The following PLB1 variants were observed in gnomAD, a reference collection of about 807,000 sequenced individuals.
The protein encoded by PLB1 is phospholipase B1, also known as phospholipase B1, membrane-associated.
In PLB1, 242 loss-of-function variants were observed where a neutral mutation model predicts 227.4. The observed-to-expected ratio is 1.06, with a 90% CI of 0.96 to 1.18. The LOEUF (loss-of-function observed/expected upper bound fraction) is 1.18. Ranked by LOEUF, PLB1 falls within the 50% of genes most tolerant of loss-of-function variation. PLB1 has a pLI of 0.00. For missense variants in PLB1, 1,858 were observed against 1,816.3 expected (o/e 1.02, Z -0.42); for synonymous variants, 757 against 682.2 (o/e 1.11, Z -1.71).
intron 55 of PLB1, 54 bp downstream of exon 55, chr2:28,632,194 A>C: frequency 2.2e-6 from 3 of 1,355,016 alleles, no homozygotes; most frequent in South Asian, 1.2e-5. Flanking sequence ...ATCACAGACG[A>C]TGGATGTATT....
At position 28,590,021 on chromosome 2, in the gene PLB1, A is replaced by G. The variant is rs780165701; in HGVS notation, c.2033A>G (p.Gln678Arg). 1.2e-6 allele frequency: 2 copies of G among 1,613,828 alleles called. No individual in the cohort carries two copies. The highest frequency in any genetic ancestry group is 2.2e-5 in the South Asian group (2 of 91,066). The change falls in exon 29 of 58, where the codon CAG becomes CGG. Residue 678 changes from glutamine to arginine, a missense_variant. By Grantham distance (43) the Gln-to-Arg change is conservative. Coordinates refer to ENST00000327757, the MANE Select transcript of PLB1 (RefSeq NM_153021.5). ...TTTGTTTAGCTGGAGCCTGTTGGCC[A>G]GAAGACGACTCGTCATAAGTTTGAA... Reference protein sequence around the residue: ...LWNNMLEPVGQKTTRHKFENK... With the variant: ...LWNNMLEPVGRKTTRHKFENK...
intron 4 of PLB1, among the ~76,000 whole-genome samples, chr2:28,523,927 C>A (rs1250127612): frequency 6.6e-6 from 1 of 152,226 alleles, no homozygotes; most frequent in African/African-American, 2.4e-5. Flanking sequence ...ATTACCTAAC[C>A]TGTCGGGTGT....
At chr2:28,573,393 G>A (rs769078710) in intron 21 of PLB1, 88 bp downstream of exon 21, 13 of 953,570 alleles carry the variant, frequency 1.4e-5, no homozygotes, top group Non-Finnish European at 1.9e-5. Flanking sequence ...ATGGCTGAAG[G>A]TTGAAGGGCT....
intron 44 of PLB1, 71 bp downstream of exon 44, chr2:28,614,167 AC>A (rs1458940014): frequency 1.4e-6 from 2 of 1,408,476 alleles, no homozygotes; most frequent in Admixed American, 3.4e-5. Context: ...CGGGTGTGGT[AC>A]AGGTTTCAGA....
chr2:28,581,968 GA>G (rs5830085), intron 23 of PLB1, 99 bp from the exon 24 acceptor site: 315,755 of 959,926 alleles, frequency 0.33, 20,826 homozygotes, highest in African/African-American at 0.41. Flanking sequence ...CTCAAAAAAA[GA>G]AAAAAAAAAA....
chr2:28,527,880 T>C (rs960717519), intron 6 of PLB1, among the ~76,000 whole-genome samples: 1 of 152,218 alleles, frequency 6.6e-6, no homozygotes, highest in African/African-American at 2.4e-5. Flanking sequence ...CAAATATTTG[T>C]ATTTTGTCAT....
chr2:28,624,343 G>A (rs370077978), intron 49 of PLB1, among the ~76,000 whole-genome samples: 1 of 152,146 alleles, frequency 6.6e-6, no homozygotes, highest in African/African-American at 2.4e-5. Context: ...GACTTATTTA[G>A]CAAAATGATT....
chr2:28,578,164 T>C lies in PLB1; in HGVS notation c.1485+6T>C, dbSNP rs1318549732. ...ACCTGATGAAGAATGACACGGTGGG[T>C]CCCTGGGATGGGAAGTAGGCAGGAA... On this transcript the variant is annotated splice_donor_region_variant and intron_variant, in intron 22 of 57. Transcript: ENST00000327757. The C allele has an allele frequency of 6.2e-7, 1 of 1,613,280 alleles. No homozygotes were observed.
At chr2:28,596,113 C>G (rs1682871064) in intron 33 of PLB1, 1 of 152,190 alleles carries the variant, frequency 6.6e-6, no homozygotes, top group Admixed American at 6.5e-5. Flanking sequence ...GACTGAAACT[C>G]CTTCAACAAA....
rs367993694 is a variant in PLB1 at position 28,504,751 on chromosome 2, AAAC to A, written c.55+8600_55+8602del. Among the ~76,000 whole-genome samples the A allele has an allele frequency of 9.2e-3, 1,399 of 152,222 alleles. 12 individuals carry two copies. Among genetic ancestry groups the A allele is most frequent in the Non-Finnish European group, 0.012 (815 of 68,026 alleles). ...AGCGAGACTCAGTCTCAAAAAAACA[AAAC>A]AACAACAACAACAACAAAAATTCAT... is the stretch of plus-strand genomic sequence containing the variant. On this transcript the variant is annotated intron_variant, in intron 1 of 57. Transcript: ENST00000327757.
rs1553418237 is a variant in PLB1, at chr2:28,547,218, A to AG, written c.937-1642_937-1641insG. Among the ~76,000 whole-genome samples the AG allele has an allele frequency of 8.7e-3, 791 of 90,762 alleles. 17 individuals carry two copies. Among genetic ancestry groups the AG allele is most frequent in the African/African-American group, 0.031 (709 of 23,020 alleles). The allele number at this position is 90,762 out of a possible 152,430, so 59.5% of individuals were successfully genotyped here. A position where few individuals can be genotyped will look rare whatever the true frequency, so the allele number is the denominator to read the frequency against. The stretch of plus-strand genomic sequence containing the variant: ...CCCTGTCTCCAAAAAAAAAAAAAAG[A>AG]AAAAAAAAAAATTGGGGAAGAGAAG... On this transcript the variant is annotated intron_variant, in intron 14 of 57. Transcript: ENST00000327757.
intron 17 of PLB1, among the ~76,000 whole-genome samples, chr2:28,558,140 G>A (rs12620759): frequency 0.45 from 64,789 of 145,420 alleles, 14,937 homozygotes; most frequent in South Asian, 0.57. Flanking sequence ...ATAAACATAG[G>A]GGGGTGTGTG....
Position 28,604,021 on chromosome 2 carries a change from C to T in PLB1, c.2830C>T (p.Leu944=). Residue 944 remains leucine, a synonymous_variant, in exon 40 of 58, where the codon CTG becomes TTG. Coordinates refer to ENST00000327757, the MANE Select transcript of PLB1 (RefSeq NM_153021.5). ...LRENSQELAR[L]EAFSRAYRSS... ...GGAGAACTCCCAAGAGCTAGCCAGG[C>T]TGGAGGCCTTCAGCCGAGCCTACCG... 6.2e-7 allele frequency: 1 copy of T among 1,614,186 alleles called. No individual in the cohort carries two copies. The highest frequency in any genetic ancestry group is 1.6e-4 in the Middle Eastern group (1 of 6,062).
At chr2:28,540,324 A>C (rs1442856533) in intron 11 of PLB1, 42 bp from the exon 12 acceptor site, 5 of 1,572,300 alleles carry the variant, frequency 3.2e-6, no homozygotes, top group Non-Finnish European at 4.4e-6. Flanking sequence ...CCCTGCCCAC[A>C]CTGCCTCCCC....
rs1471787105 is a variant in PLB1, at chr2:28,539,278, A to G, written c.698+100A>G. On this transcript the variant is annotated intron_variant, in intron 11 of 57. Coordinates refer to ENST00000327757, the MANE Select transcript of PLB1 (RefSeq NM_153021.5). ...GTGCCGTAATCTATGAGGGAGCCCT[A>G]AAGAACAGAGGCCAAAGGAGGCCGA... 6.2e-6 allele frequency: 7 copies of G among 1,123,640 alleles called. No individual in the cohort carries two copies. The Admixed American group carries it at 1.3e-4, about 21-fold the overall frequency. The allele number at this position is 1,123,640 out of a possible 1,614,324, so 69.6% of individuals were successfully genotyped here. A position where few individuals can be genotyped will look rare whatever the true frequency, so the allele number is the denominator to read the frequency against.
At chr2:28,589,795 C>G in intron 28 of PLB1, 25 bp downstream of exon 28, 2 of 1,591,708 alleles carry the variant, frequency 1.3e-6, no homozygotes, top group South Asian at 1.1e-5. Flanking sequence ...TAGGAAAATG[C>G]ATCCTCCCTC....
At chr2:28,517,259 A>G (rs905336932) in intron 2 of PLB1, among the ~76,000 whole-genome samples, 1 of 147,610 alleles carries the variant, frequency 6.8e-6, no homozygotes, top group Non-Finnish European at 1.5e-5. Flanking sequence ...CAGTACTTCA[A>G]GAGAAACTGT....
chr2:28,587,116 A>AG (rs1169005529), intron 26 of PLB1, among the ~76,000 whole-genome samples: 1 of 152,206 alleles, frequency 6.6e-6, no homozygotes, highest in African/African-American at 2.4e-5. Context: ...ACATCAGAAG[A>AG]GGGGCGGCAG....
intron 49 of PLB1, among the ~76,000 whole-genome samples, chr2:28,621,458 A>C (rs1337618081): frequency 1.3e-5 from 2 of 152,154 alleles, no homozygotes; most frequent in Non-Finnish European, 2.9e-5. Context: ...GGCTCTGAAA[A>C]AGCTATATTC....
Sources: allele counts gnomAD v4.1 joint callset (sites outside exome capture counted in the v4.1 genomes callset), GRCh38; gene constraint gnomAD v4.1.1; transcripts MANE v1.5; gene names NCBI Gene and HGNC (gene_info 2026-07-23, HGNC 2026-07-21).